The following DOK6 variants were observed in gnomAD, a reference collection of about 807,000 sequenced individuals.
DOK6 encodes downstream of tyrosine kinase 6.
Under a neutral mutation model 44.0 loss-of-function variants are expected in DOK6, and 22 were observed. That is an observed-to-expected ratio of 0.50 (90% CI 0.36 to 0.71). The LOEUF is 0.71. Among genes scored for constraint, DOK6 ranks in the 30% least tolerant of loss-of-function variants. The pLI, the probability that DOK6 is intolerant of heterozygous loss-of-function variation, is 0.00. For missense variants in DOK6, 340 were observed against 416.4 expected, an observed-to-expected ratio of 0.82 and a Z score of 1.60; for synonymous variants, 166 against 145.5, an observed-to-expected ratio of 1.14 and a Z score of -1.01.
chr18:69,625,671 A>G (rs985560192), intron 3 of DOK6, among the ~76,000 whole-genome samples: 1 of 152,118 alleles, frequency 6.6e-6, no homozygotes, highest in African/African-American at 2.4e-5. Flanking sequence ...CAAATCATTT[A>G]AGTATTTCCC....
intron 7 of DOK6, among the ~76,000 whole-genome samples, chr18:69,777,175 C>G (rs531498029): frequency 1.3e-5 from 2 of 151,098 alleles, no homozygotes; most frequent in African/African-American, 4.9e-5. Context: ...AAAAGTAAAA[C>G]TAACTTTTTC....
At chr18:69,518,174 T>C (rs764986547) in intron 1 of DOK6, among the ~76,000 whole-genome samples, 1 of 152,198 alleles carries the variant, frequency 6.6e-6, no homozygotes, top group Non-Finnish European at 1.5e-5. Flanking sequence ...GTCTGATAAA[T>C]TGAAAATTTG....
intron 1 of DOK6, among the ~76,000 whole-genome samples, chr18:69,521,969 TTTAGA>T (rs976417278): frequency 2.0e-5 from 3 of 152,060 alleles, no homozygotes; most frequent in African/African-American, 7.2e-5. Context: ...TCCCAAACTG[TTTAGA>T]TTAATGTCTT....
chr18:69,672,588 T>C (rs1327511440), intron 3 of DOK6, among the ~76,000 whole-genome samples: 1 of 151,546 alleles, frequency 6.6e-6, no homozygotes, highest in Non-Finnish European at 1.5e-5. Context: ...AAACTCCTGA[T>C]CTCAAGTGAT....
At chr18:69,769,367 G>T (rs1427534819) in intron 7 of DOK6, among the ~76,000 whole-genome samples, 3 of 152,056 alleles carry the variant, frequency 2.0e-5, no homozygotes, top group Admixed American at 2.0e-4. Context: ...AATAGCCATT[G>T]TCTGTGGCTC....
chr18:69,725,778 C>T (rs1442231595), intron 5 of DOK6, among the ~76,000 whole-genome samples: 2 of 152,174 alleles, frequency 1.3e-5, no homozygotes, highest in Non-Finnish European at 2.9e-5. Context: ...TGAGCCACCC[C>T]GCCCACCCCT....
At position 69,546,583 on chromosome 18, in the gene DOK6, A is replaced by G. The variant is rs561381729; in HGVS notation, c.67-17904A>G. Among the ~76,000 whole-genome samples, 372 of 151,804 alleles carry G rather than the reference A, an allele frequency of 2.5e-3. 10 individuals are homozygous for G. The highest frequency in any genetic ancestry group is 0.011 in the South Asian group (51 of 4,774). On this transcript the variant is annotated intron_variant, in intron 1 of 7. Transcript: ENST00000382713. ...TAGATTTGTAAATATTTAAGAAAATACAATCGTATTTCACAGTCCAAGTTA... is the reference window on the plus strand; with the variant it reads ...TAGATTTGTAAATATTTAAGAAAATGCAATCGTATTTCACAGTCCAAGTTA...
intron 4 of DOK6, among the ~76,000 whole-genome samples, chr18:69,688,741 C>T (rs146343044): frequency 0.01 from 1,527 of 152,174 alleles, 23 homozygotes; most frequent in African/African-American, 0.034. Context: ...AGGCTGGTCT[C>T]GAACTCTTGA....
At chr18:69,526,260 T>G (rs1027160210) in intron 1 of DOK6, among the ~76,000 whole-genome samples, 1 of 152,068 alleles carries the variant, frequency 6.6e-6, no homozygotes, top group Non-Finnish European at 1.5e-5. Flanking sequence ...CCCCTAACCC[T>G]AGGCAACCAC....
chr18:69,645,653 C>A (rs1430128053), intron 3 of DOK6, among the ~76,000 whole-genome samples: 1 of 151,878 alleles, frequency 6.6e-6, no homozygotes, highest in African/African-American at 2.4e-5. Flanking sequence ...CTATATAACC[C>A]AAAAATGACA....
At chr18:69,485,314 T>G (rs4548983) in intron 1 of DOK6, among the ~76,000 whole-genome samples, 117,613 of 152,064 alleles carry the variant, frequency 0.77, 45,666 homozygotes, top group African/African-American at 0.79. Flanking sequence ...TATTAGTGCT[T>G]TCTATATCAT....
At chr18:69,410,186 TA>T (rs1212211207) in intron 1 of DOK6, among the ~76,000 whole-genome samples, 1 of 152,272 alleles carries the variant, frequency 6.6e-6, no homozygotes, top group African/African-American at 2.4e-5. Context: ...TGTTTTCTGA[TA>T]TTTTGAATAA....
At chr18:69,744,321 AAAAG>A (rs1318633851) in intron 6 of DOK6, among the ~76,000 whole-genome samples, 1 of 152,062 alleles carries the variant, frequency 6.6e-6, no homozygotes, top group African/African-American at 2.4e-5. Flanking sequence ...AAAAAAAAAA[AAAAG>A]AATAACTGCA....
intron 7 of DOK6, among the ~76,000 whole-genome samples, chr18:69,824,293 G>A (rs1428984946): frequency 1.3e-5 from 2 of 148,292 alleles, no homozygotes; most frequent in African/African-American, 2.5e-5. Flanking sequence ...AGAACATGCG[G>A]TGTTTGGTTT....
intron 4 of DOK6, among the ~76,000 whole-genome samples, chr18:69,693,983 C>CT (rs1986331087): frequency 1.4e-5 from 2 of 138,564 alleles, no homozygotes; most frequent in African/African-American, 5.4e-5. Flanking sequence ...GGCGTGAACC[C>CT]GGGAGGCGGA....
At chr18:69,569,289 C>T (rs968511885) in intron 2 of DOK6, among the ~76,000 whole-genome samples, 2 of 152,158 alleles carry the variant, frequency 1.3e-5, no homozygotes, top group Non-Finnish European at 2.9e-5. Flanking sequence ...ACACTTGAAC[C>T]AGTTATGAAG....
At chr18:69,838,982 C>A (rs755514564) in intron 7 of DOK6, among the ~76,000 whole-genome samples, 4 of 151,138 alleles carry the variant, frequency 2.6e-5, no homozygotes, top group Non-Finnish European at 5.9e-5. Context: ...AGCCTCACCC[C>A]TAGATTCTCC....
At chr18:69,830,430 G>C (rs975441659) in intron 7 of DOK6, among the ~76,000 whole-genome samples, 9 of 152,018 alleles carry the variant, frequency 5.9e-5, no homozygotes, top group Non-Finnish European at 1.3e-4. Context: ...AAGAAAAGGA[G>C]ATTAGGACAA....
chr18:69,715,962 G>C (rs1986872072), intron 5 of DOK6, among the ~76,000 whole-genome samples: 1 of 152,162 alleles, frequency 6.6e-6, no homozygotes, highest in Admixed American at 6.5e-5. Flanking sequence ...TGTTCATTCA[G>C]CAGAGAACTA....
Sources: gnomAD v4.1 joint callset for allele counts (sites outside exome capture counted in the v4.1 genomes callset) on GRCh38, gnomAD v4.1.1 for gene constraint, MANE v1.5 for transcripts, NCBI Gene and HGNC (gene_info 2026-07-23, HGNC 2026-07-21) for gene names.